The following ZNF492 variants were observed in gnomAD, a reference collection of about 807,000 sequenced individuals.
ZNF492 encodes the protein zinc finger protein 115 (Y20).
Under a neutral mutation model 6.4 loss-of-function variants are expected in ZNF492, and 3 were observed. That is an observed-to-expected ratio of 0.47 (90% CI 0.21 to 1.22). The LOEUF (loss-of-function observed/expected upper bound fraction) is 1.22. Ranked by LOEUF, ZNF492 falls within the 50% of genes most tolerant of loss-of-function variation. The pLI, the probability that ZNF492 is intolerant of heterozygous loss-of-function variation, is 0.22. For synonymous variants in ZNF492, 112 were observed against 205.3 expected, an observed-to-expected ratio of 0.55 and a Z score of 3.89; for missense variants, 356 against 612.5, an observed-to-expected ratio of 0.58 and a Z score of 4.42.
chr19:22,642,697 C>G (rs1971840964), intron 1 of ZNF492, among the ~76,000 whole-genome samples: 1 of 152,020 alleles, frequency 6.6e-6, no homozygotes, highest in Non-Finnish European at 1.5e-5. Flanking sequence ...CCTTGTCATT[C>G]TTTTTGACTC....
chr19:22,652,241 G>A lies in ZNF492; in HGVS notation c.-93-1066G>A, dbSNP rs1167565690. Among the ~76,000 whole-genome samples the A allele has an allele frequency of 1.6e-4, 9 of 57,352 alleles. No individual in the cohort carries two copies. In the African/African-American group the frequency reaches 1.9e-3, roughly 12 times the overall value. 37.6% of individuals were successfully genotyped at this position (57,352 alleles called of 152,430 possible). On this transcript the variant is annotated intron_variant, in intron 1 of 3. Transcript: ENST00000456783. ...TTAGGCTTTTTTTTTTTTTTTTTGA[G>A]ACGGAGTCTCGCTCTGTCGCCCAGG...
chr19:22,641,221 C>CAATGT (rs1377533648), intron 1 of ZNF492, among the ~76,000 whole-genome samples: 7 of 152,104 alleles, frequency 4.6e-5, no homozygotes, highest in African/African-American at 1.7e-4. Flanking sequence ...TCTAACTTTT[C>CAATGT]AATGTAAGCA....
At position 22,636,558 on chromosome 19, in the gene ZNF492, G is replaced by A. The variant is rs548737619; in HGVS notation, c.-94+2084G>A. Among the ~76,000 whole-genome samples, 141 of 147,692 alleles carry A rather than the reference G, an allele frequency of 9.5e-4. 1 individual carries two copies. Among genetic ancestry groups the A allele is most frequent in the African/African-American group, 3.2e-3 (128 of 40,564 alleles). On this transcript the variant is annotated intron_variant, in intron 1 of 3. Coordinates refer to ENST00000456783, the MANE Select transcript of ZNF492 (RefSeq NM_020855.3). ...TGTGTGTGTGTGTTTGTGTGTGTGCGTGTGTGTATGTGTGTTTTAACGGCC... is the reference window on the plus strand; with the variant it reads ...TGTGTGTGTGTGTTTGTGTGTGTGCATGTGTGTATGTGTGTTTTAACGGCC...
At chr19:22,640,033 G>C (rs1195280911) in intron 1 of ZNF492, among the ~76,000 whole-genome samples, 2 of 151,918 alleles carry the variant, frequency 1.3e-5, no homozygotes, top group Non-Finnish European at 2.9e-5. Flanking sequence ...TCCATCCCTA[G>C]TTTGTTGAGA....
chr19:22,636,592 T>C (rs1971768030), intron 1 of ZNF492, among the ~76,000 whole-genome samples: 1 of 151,654 alleles, frequency 6.6e-6, no homozygotes, highest in African/African-American at 2.4e-5. Flanking sequence ...CCACACAGTA[T>C]TCCGTGATAT....
rs552855597 is a variant in ZNF492 at position 22,667,264 on chromosome 19, C to T, written c.*1999C>T. Reference sequence around the variant, plus strand: ...AAGTAAATAAAATAAATGGTGGTAACAATACACTATTTGGTAAAAGAATGC... The same window carrying T: ...AAGTAAATAAAATAAATGGTGGTAATAATACACTATTTGGTAAAAGAATGC... On this transcript the variant is annotated 3_prime_UTR_variant, in exon 4 of 4. Transcript: ENST00000456783. 8.5e-5 allele frequency: 13 copies of T among 152,148 alleles called. No individual in the cohort carries two copies. In the East Asian group the frequency reaches 2.5e-3, roughly 29 times the overall value. The allele number at this position is 152,148 out of a possible 1,614,324, so 9.4% of individuals were successfully genotyped here. A position where few individuals can be genotyped will look rare whatever the true frequency, so the allele number is the denominator to read the frequency against.
chr19:22,647,538 A>C (rs933263828), intron 1 of ZNF492, among the ~76,000 whole-genome samples: 1 of 151,374 alleles, frequency 6.6e-6, no homozygotes, highest in Non-Finnish European at 1.5e-5. Context: ...TGCTGGGATT[A>C]CAGGGGTGAG....
intron 3 of ZNF492, among the ~76,000 whole-genome samples, chr19:22,662,795 T>A (rs1333264273): frequency 6.6e-6 from 1 of 151,834 alleles, no homozygotes; most frequent in South Asian, 2.1e-4. Context: ...GTTTTTTTCT[T>A]GTAAATTTGT....
chr19:22,647,730 T>TTTTTTTTTTTTG lies in ZNF492; in HGVS notation c.-93-5566_-93-5565insGTTTTTTTTTTT, dbSNP rs1568353775. On this transcript the variant is annotated intron_variant, in intron 1 of 3. Transcript: ENST00000456783. ...CTCTTGCTTTCTAGCTCTTTTAGTT[T>TTTTTTTTTTTTG]TTTTTTTTTTTTTTTTTGAGATGGA... Among the ~76,000 whole-genome samples, 28 of 132,240 alleles carry TTTTTTTTTTTTG rather than the reference T, an allele frequency of 2.1e-4. 1 individual carries two copies. Among genetic ancestry groups the TTTTTTTTTTTTG allele is most frequent in the Admixed American group, 4.5e-4 (6 of 13,398 alleles). The allele number at this position is 132,240 out of a possible 152,430, so 86.8% of individuals were successfully genotyped here.
intron 1 of ZNF492, among the ~76,000 whole-genome samples, chr19:22,636,427 G>A (rs975783168): frequency 6.0e-5 from 9 of 151,214 alleles, no homozygotes; most frequent in Non-Finnish European, 1.0e-4. Context: ...CATGCATTTG[G>A]TTTTCTGCTG....
At chr19:22,647,727 G>GTTTTTTTTTTTTTTTTTTTTTTTTTTTT (rs71180575) in intron 1 of ZNF492, among the ~76,000 whole-genome samples, 1 of 92,576 alleles carries the variant, frequency 1.1e-5, no homozygotes, top group African/African-American at 4.8e-5. Context: ...AGCTCTTTTA[G>GTTTTTTTTTTTTTTTTTTTTTTTTTTTT]TTTTTTTTTT....
chr19:22,642,871 G>A (rs1194486956), intron 1 of ZNF492, among the ~76,000 whole-genome samples: 2 of 152,108 alleles, frequency 1.3e-5, no homozygotes. Context: ...ATTAAATTTA[G>A]CAATACAGAA....
intron 3 of ZNF492, among the ~76,000 whole-genome samples, chr19:22,658,125 A>G (rs972310417): frequency 3.3e-5 from 5 of 152,174 alleles, no homozygotes; most frequent in African/African-American, 1.2e-4. Context: ...AAATCTATTT[A>G]AATGTACATT....
rs531616048 is a variant in ZNF492, at chr19:22,656,888, A to G, written c.130+2873A>G. On this transcript the variant is annotated intron_variant, in intron 3 of 3. Transcript: ENST00000456783. ...TTTTGGAGATGGGTTCTTGCTACAT[A>G]ACCCAGGTTGATCTTGAAGTTCTGT... 2.2e-4 allele frequency among the ~76,000 whole-genome samples: 34 copies of G among 152,260 alleles called. 1 individual carries two copies. The highest frequency in any genetic ancestry group is 3.4e-3 in the Middle Eastern group (1 of 294).
At position 22,634,564 on chromosome 19, in the gene ZNF492, G is replaced by T. The variant is rs887628693; in HGVS notation, c.-94+90G>T. On this transcript the variant is annotated intron_variant, in intron 1 of 3. Transcript: ENST00000456783. ...GCTGTGGCGGGACTCAGGCCTCCCC[G>T]CAGTCGGCTCCACAATCTGCGCCCC... is the stretch of plus-strand genomic sequence containing the variant. The T allele has an allele frequency of 5.8e-6, 7 of 1,212,146 alleles. No individual in the cohort carries two copies. In the African/African-American group the frequency reaches 7.8e-5, roughly 13 times the overall value. 75.1% of individuals were successfully genotyped at this position (1,212,146 alleles called of 1,614,324 possible).
chr19:22,635,153 T>A (rs73927046), intron 1 of ZNF492, among the ~76,000 whole-genome samples: 12,103 of 151,878 alleles, frequency 0.08, 1,566 homozygotes, highest in African/African-American at 0.27. Flanking sequence ...TCCCCCAATG[T>A]AGTAATTTCT....
intron 1 of ZNF492, among the ~76,000 whole-genome samples, chr19:22,646,974 C>T (rs1166472570): frequency 3.3e-5 from 5 of 152,156 alleles, no homozygotes; most frequent in Non-Finnish European, 7.3e-5. Flanking sequence ...ACCGCAACCT[C>T]CGCCTCCTGG....
intron 3 of ZNF492, among the ~76,000 whole-genome samples, chr19:22,658,808 C>A (rs1972023544): frequency 7.0e-6 from 1 of 143,474 alleles, no homozygotes; most frequent in African/African-American, 2.8e-5. Flanking sequence ...GCAAATGACT[C>A]TTCATGTGAC....
intron 1 of ZNF492, among the ~76,000 whole-genome samples, chr19:22,648,961 T>C (rs1310658972): frequency 3.3e-5 from 5 of 152,222 alleles, no homozygotes; most frequent in Non-Finnish European, 7.3e-5. Flanking sequence ...CTGTGTGAAG[T>C]TGATCCTGTC....
Sources: allele counts gnomAD v4.1 joint callset (sites outside exome capture counted in the v4.1 genomes callset), GRCh38; gene constraint gnomAD v4.1.1; transcripts MANE v1.5; gene names NCBI Gene and HGNC (gene_info 2026-07-23, HGNC 2026-07-21).